The following POLR3A variants were observed in gnomAD, a reference collection of about 807,000 sequenced individuals.
The protein encoded by POLR3A is RNA polymerase III subunit A.
In POLR3A, 112 loss-of-function variants were observed where a neutral mutation model predicts 152.8. The ratio of observed to expected loss-of-function variants is 0.73; its 90% CI spans 0.63 to 0.86. The LOEUF (loss-of-function observed/expected upper bound fraction) is 0.86, where lower values mean the gene tolerates loss of function less well. Among genes scored for constraint, POLR3A ranks in the 40% least tolerant of loss-of-function variants. POLR3A has a pLI of 0.00. For missense variants in POLR3A, 1,385 were observed against 1,743.1 expected, an observed-to-expected ratio of 0.79 and a Z score of 3.66; for synonymous variants, 615 against 652.1, an observed-to-expected ratio of 0.94 and a Z score of 0.87.
chr10:77,977,375 G>A lies in POLR3A; in HGVS notation c.*103C>T. On this transcript the variant is annotated 3_prime_UTR_variant, in exon 31 of 31. Coordinates refer to ENST00000372371, the MANE Select transcript of POLR3A (RefSeq NM_007055.4). Reference sequence around the variant, plus strand: ...GGCTTCTCTGATTGCTGGCATAGGTGGGGACCTCAGGACCCCCGTCCCAGG... The same window carrying A: ...GGCTTCTCTGATTGCTGGCATAGGTAGGGACCTCAGGACCCCCGTCCCAGG... 1.7e-6 allele frequency: 2 copies of A among 1,168,558 alleles called. No individual in the cohort carries two copies. 72.4% of individuals were successfully genotyped at this position (1,168,558 alleles called of 1,614,324 possible).
chr10:78,025,533 C>T, intron 3 of POLR3A, 89 bp downstream of exon 3: 1 of 1,308,564 alleles, frequency 7.6e-7, no homozygotes, highest in Non-Finnish European at 1.1e-6. Flanking sequence ...GATGTATCCC[C>T]CACCACTCAC....
chr10:77,991,760 A>C (rs749259530), intron 20 of POLR3A, among the ~76,000 whole-genome samples: 120 of 152,136 alleles, frequency 7.9e-4, no homozygotes, highest in Non-Finnish European at 5.0e-4. Context: ...CCTGACCTCA[A>C]GTGATATGAC....
At chr10:77,983,370 C>G (rs1847167470) in intron 26 of POLR3A, among the ~76,000 whole-genome samples, 1 of 152,180 alleles carries the variant, frequency 6.6e-6, no homozygotes, top group Admixed American at 6.6e-5. Flanking sequence ...GTTTTAAGGG[C>G]TAGTACAGCT....
chr10:78,013,458 C>T, intron 11 of POLR3A, 192 bp downstream of exon 11: 1 of 634,860 alleles, frequency 1.6e-6, no homozygotes, highest in Non-Finnish European at 2.8e-6. Context: ...ACTATAATTT[C>T]TAAGAGATTC....
rs373504359 is a variant in POLR3A at position 77,984,266 on chromosome 10, T to C, written c.3275A>G (p.Asp1092Gly). 6.2e-7 allele frequency: 1 copy of C among 1,613,358 alleles called. No homozygotes were observed. Among genetic ancestry groups the C allele is most frequent in the Non-Finnish European group, 8.5e-7 (1 of 1,179,404 alleles). ...TPIITAQLDK[D>G]DDADYARLVK... The stretch of plus-strand genomic sequence containing the variant: ...GAGGCGAGCATAATCCGCGTCGTCA[T>C]CCTTGTCTAGCTGTGCTGTGATAAT... Residue 1092 changes from aspartate (D) to glycine (G), a missense_variant, in exon 25 of 31, where the codon GAT becomes GGT. Transcript: ENST00000372371.
rs1847630743 is a variant in POLR3A at position 78,026,016 on chromosome 10, G to C, written c.180+78C>G. 1.9e-6 allele frequency: 3 copies of C among 1,564,204 alleles called. No homozygotes were observed. The South Asian group carries it at 3.4e-5, about 17-fold the overall frequency. On this transcript the variant is annotated intron_variant, in intron 2 of 30. Transcript: ENST00000372371. ...ATTGAGGAGATGGAAGGAAGCCCCT[G>C]CTCCTTTCAATCTGGTAAGTCACCA...
chr10:77,984,161 T>C (rs1847174816), intron 25 of POLR3A, 44 bp downstream of exon 25: 2 of 1,367,046 alleles, frequency 1.5e-6, no homozygotes, highest in African/African-American at 1.4e-5. Flanking sequence ...CCTTGCAACA[T>C]TGCTGAGCTA....
At position 78,000,100 on chromosome 10, in the gene POLR3A, A is replaced by T. The variant is rs756292315; in HGVS notation, c.2497T>A (p.Phe833Ile). The change falls in exon 19 of 31, where the codon TTT becomes ATT. Residue 833 changes from phenylalanine to isoleucine, a missense_variant. By Grantham distance (21) the Phe-to-Ile change is conservative. This residue lies in a region of POLR3A where 170 missense variants were observed against 231.2 expected (regional missense o/e 0.74). Transcript: ENST00000372371. Reference sequence around the variant, plus strand: ...CCGGAATAAAAGCTATTAGCCACAAAGCCTTTGGCAGCTGGGAGCTAAAGA... The same window carrying T: ...CCGGAATAAAAGCTATTAGCCACAATGCCTTTGGCAGCTGGGAGCTAAAGA... ...KHSKLPAAKG[F>I]VANSFYSGLT... 1 of 1,614,226 alleles carries T rather than the reference A, an allele frequency of 6.2e-7. No homozygotes were observed. The highest frequency in any genetic ancestry group is 8.5e-7 in the Non-Finnish European group (1 of 1,180,036).
chr10:78,026,489 A>G (rs1847635984), intron 1 of POLR3A, among the ~76,000 whole-genome samples: 1 of 152,148 alleles, frequency 6.6e-6, no homozygotes, highest in Admixed American at 6.5e-5. Flanking sequence ...TGCTGAATCC[A>G]ATAAGAACTT....
chr10:77,980,064 T>G (rs1847125313), intron 30 of POLR3A, 77 bp downstream of exon 30: 1 of 1,386,372 alleles, frequency 7.2e-7, no homozygotes, highest in Non-Finnish European at 1.0e-6. Flanking sequence ...TTTTTTTCAT[T>G]CCCTTGGAAG....
Position 78,001,104 on chromosome 10 carries a change from T to G in POLR3A, c.2360-10A>C. The G allele has an allele frequency of 7.1e-7, 1 of 1,414,170 alleles. No homozygotes were observed. Among genetic ancestry groups the G allele is most frequent in the Non-Finnish European group, 1.0e-6 (1 of 998,718 alleles). The allele number at this position is 1,414,170 out of a possible 1,614,324, so 87.6% of individuals were successfully genotyped here. Reference sequence around the variant, plus strand: ...ATGTTAATGAAGGAACCTGGGGACATGGACCAGAAATGTAACATTCATTTA... The same window carrying G: ...ATGTTAATGAAGGAACCTGGGGACAGGGACCAGAAATGTAACATTCATTTA... On this transcript the variant is annotated splice_polypyrimidine_tract_variant and intron_variant, in intron 17 of 30. Transcript: ENST00000372371.
At chr10:78,018,912 TC>T in intron 9 of POLR3A, among the ~76,000 whole-genome samples, 1 of 152,266 alleles carries the variant, frequency 6.6e-6, no homozygotes, top group Non-Finnish European at 1.5e-5. Context: ...GACTTTAGTA[TC>T]CATGGTATTT....
At position 78,023,230 on chromosome 10, in the gene POLR3A, G is replaced by T. The variant is rs200677825; in HGVS notation, c.646-846C>A. On this transcript the variant is annotated intron_variant, in intron 5 of 30. Coordinates refer to ENST00000372371, the MANE Select transcript of POLR3A (RefSeq NM_007055.4). ...AATCCCAGCACTTAGAGGGGCTGAG[G>T]CGGGTGGGTCACCTGAGGTCAGGAG... 5.9e-5 allele frequency among the ~76,000 whole-genome samples: 9 copies of T among 152,122 alleles called. No individual in the cohort carries two copies. The East Asian group carries it at 9.7e-4, about 16-fold the overall frequency.
rs1847555454 is a variant in POLR3A at position 78,019,320 on chromosome 10, A to G, written c.1186-55T>C. ...CTCCCAGGTAACTAGAAACTAACAA[A>G]TGATACTGAAATGCGTCTTAATCTT... On this transcript the variant is annotated intron_variant, in intron 8 of 30. Transcript: ENST00000372371. The G allele has an allele frequency of 2.6e-6, 3 of 1,134,348 alleles. 1 individual carries two copies. The highest frequency in any genetic ancestry group is 1.5e-5 in the African/African-American group (1 of 65,780). 70.3% of individuals were successfully genotyped at this position (1,134,348 alleles called of 1,614,324 possible).
chr10:78,022,453 C>T (rs1847589235), intron 5 of POLR3A, 69 bp from the exon 6 acceptor site: 1 of 1,532,486 alleles, frequency 6.5e-7, no homozygotes, highest in Non-Finnish European at 9.0e-7. Flanking sequence ...CAAGGTTTTC[C>T]TTCACTATGT....
rs57390385 is a variant in POLR3A at position 78,004,416 on chromosome 10, C to T, written c.2247+300G>A. On this transcript the variant is annotated intron_variant, in intron 16 of 30. Coordinates refer to ENST00000372371, the MANE Select transcript of POLR3A (RefSeq NM_007055.4). ...CAGAACAAGAGCAGCCTCGTGTGGC[C>T]GAATGAACAGATGGCTATGTTTTCA... Among the ~76,000 whole-genome samples the T allele has an allele frequency of 2.1e-3, 315 of 152,146 alleles. 1 individual carries two copies. Among genetic ancestry groups the T allele is most frequent in the African/African-American group, 7.1e-3 (296 of 41,514 alleles).
rs553149963 is a variant in POLR3A at position 77,982,038 on chromosome 10, CAAAAAAAAAAAAAAAA to C, written c.3759+100_3759+115del. ...TGGGCAACAGAGCAAGACTCCATCTCAAAAAAAAAAAAAAAAAAAAAAAAAAAAGAAGTATACTGGG... is the reference window on the plus strand; with the variant it reads ...TGGGCAACAGAGCAAGACTCCATCTCAAAAAAAAAAAAGAAGTATACTGGG... On this transcript the variant is annotated intron_variant, in intron 28 of 30. Coordinates refer to ENST00000372371, the MANE Select transcript of POLR3A (RefSeq NM_007055.4). The C allele has an allele frequency of 6.5e-5, 18 of 277,038 alleles. 1 individual carries two copies. Among genetic ancestry groups the C allele is most frequent in the Non-Finnish European group, 1.1e-4 (17 of 161,302 alleles). 17.2% of individuals were successfully genotyped at this position (277,038 alleles called of 1,614,324 possible). A position where few individuals can be genotyped will look rare whatever the true frequency, so the allele number is the denominator to read the frequency against.
Position 78,002,180 on chromosome 10 carries a change from G to C in POLR3A, c.2359+17C>G. The C allele has an allele frequency of 6.6e-7, 1 of 1,515,094 alleles. No individual in the cohort carries two copies. Among genetic ancestry groups the C allele is most frequent in the Non-Finnish European group, 9.0e-7 (1 of 1,108,044 alleles). 93.9% of individuals were successfully genotyped at this position (1,515,094 alleles called of 1,614,324 possible). On this transcript the variant is annotated intron_variant, in intron 17 of 30. Transcript: ENST00000372371. ...CGGAGAACACACTGCCAGCAGGTGA[G>C]AGAGGGGCATGCAGACCTTTGGAGC...
chr10:77,981,779 C>A (rs189734466), intron 28 of POLR3A, among the ~76,000 whole-genome samples: 2 of 149,806 alleles, frequency 1.3e-5, no homozygotes, highest in South Asian at 2.1e-4. Context: ...AATCCCAGCA[C>A]TTTGGGAGGC....
Sources: gnomAD v4.1 joint callset for allele counts (sites outside exome capture counted in the v4.1 genomes callset) on GRCh38, gnomAD v4.1.1 for gene constraint, gnomAD v4.1.1 regional missense constraint, MANE v1.5 for transcripts, NCBI Gene and HGNC (gene_info 2026-07-23, HGNC 2026-07-21) for gene names.